Variants in PRR11 observed in about 807,000 individuals in gnomAD.
PRR11 encodes proline-rich protein 11.
PRR11 carries 30 observed loss-of-function variants against 45.6 expected under a neutral mutation model. The ratio of observed to expected loss-of-function variants is 0.66; its 90% confidence interval spans 0.49 to 0.89. The LOEUF is 0.89. PRR11 is among the 40% of genes least tolerant of loss of function. The pLI is 0.00. For synonymous variants in PRR11, 128 were observed against 153.5 expected (o/e 0.83, Z 1.23); for missense variants, 373 against 424.8 (o/e 0.88, Z 1.07).
At chr17:59,196,087 C>CAAAAAA (rs57940331) in intron 7 of PRR11, among the ~76,000 whole-genome samples, 2 of 71,330 alleles carry the variant, frequency 2.8e-5, no homozygotes, top group African/African-American at 1.0e-4. Flanking sequence ...GACTCCATCT[C>CAAAAAA]AAAAAAAAAA....
intron 1 of PRR11, among the ~76,000 whole-genome samples, chr17:59,168,373 T>A (rs904411034): frequency 6.6e-6 from 1 of 152,118 alleles, no homozygotes; most frequent in African/African-American, 2.4e-5. Flanking sequence ...TTTTGCCATG[T>A]TGGCCAGGCT....
chr17:59,187,131 C>G (rs2046817664), intron 4 of PRR11, among the ~76,000 whole-genome samples: 2 of 152,084 alleles, frequency 1.3e-5, no homozygotes, highest in Admixed American at 6.6e-5. Context: ...ATCACTTGAA[C>G]CCGGAAAGTG....
chr17:59,175,116 T>C, intron 2 of PRR11: 1 of 567,026 alleles, frequency 1.8e-6, no homozygotes, highest in Non-Finnish European at 3.1e-6. Flanking sequence ...CTCCATGTCA[T>C]TGGCCAGGTA....
At chr17:59,157,561 G>T (rs1471911721) in intron 1 of PRR11, among the ~76,000 whole-genome samples, 1 of 152,074 alleles carries the variant, frequency 6.6e-6, no homozygotes, top group African/African-American at 2.4e-5. Context: ...AATTATCCGG[G>T]TGTGGTGGCA....
chr17:59,167,571 G>T (rs1212259701), intron 1 of PRR11, among the ~76,000 whole-genome samples: 3 of 152,316 alleles, frequency 2.0e-5, no homozygotes, highest in Middle Eastern at 3.4e-3. Flanking sequence ...AGGCAGAGCA[G>T]TGGCATGGGC....
intron 1 of PRR11, among the ~76,000 whole-genome samples, chr17:59,167,477 G>C (rs917471568): frequency 6.6e-6 from 1 of 152,148 alleles, no homozygotes; most frequent in Non-Finnish European, 1.5e-5. Context: ...CTTGTACCTT[G>C]TGCAAGCAAA....
At chr17:59,193,460 A>G in intron 4 of PRR11, 32 bp from the exon 5 acceptor site, 1 of 1,611,956 alleles carries the variant, frequency 6.2e-7, no homozygotes, top group South Asian at 1.1e-5. Flanking sequence ...TTAACTTGTT[A>G]TTTATTTGCC....
chr17:59,162,888 C>T (rs530524409), intron 1 of PRR11, among the ~76,000 whole-genome samples: 19 of 145,486 alleles, frequency 1.3e-4, no homozygotes, highest in African/African-American at 3.4e-4. Context: ...CCACCACGCC[C>T]GGCTAATTTT....
chr17:59,173,330 T>C (rs1169466574), intron 2 of PRR11, among the ~76,000 whole-genome samples: 4 of 152,178 alleles, frequency 2.6e-5, no homozygotes, highest in Non-Finnish European at 5.9e-5. Context: ...CCCAAGCCAG[T>C]AGTGGCAACC....
chr17:59,161,066 G>A lies in PRR11; in HGVS notation c.-6+5261G>A, dbSNP rs542093708. ...TTGCCTATATGTTTATGTTTCTAAT[G>A]ATTTTTCAGATTATTTGAGAAAGCA... is the stretch of plus-strand genomic sequence containing the variant. On this transcript the variant is annotated intron_variant, in intron 1 of 9. Transcript: ENST00000262293. Among the ~76,000 whole-genome samples, 3 of 152,008 alleles carry A rather than the reference G, an allele frequency of 2.0e-5. No homozygotes were observed. The East Asian group carries it at 5.8e-4, about 29-fold the overall frequency.
At position 59,201,895 on chromosome 17, in the gene PRR11, C is replaced by G; in HGVS notation, c.*264C>G. 5.2e-6 allele frequency: 2 copies of G among 386,790 alleles called. No individual in the cohort carries two copies. Among genetic ancestry groups the G allele is most frequent in the East Asian group, 9.5e-5 (2 of 21,036 alleles). 24.0% of individuals were successfully genotyped at this position (386,790 alleles called of 1,614,324 possible). ...CTAAGGCAGGAGAATTGCTTGAACCCAAGAGGCAGAGGTTGCAGTGAGCCA... is the reference window on the plus strand; with the variant it reads ...CTAAGGCAGGAGAATTGCTTGAACCGAAGAGGCAGAGGTTGCAGTGAGCCA... On this transcript the variant is annotated 3_prime_UTR_variant, in exon 10 of 10. Transcript: ENST00000262293.
At chr17:59,176,959 A>G (rs1210692725) in intron 2 of PRR11, among the ~76,000 whole-genome samples, 1 of 152,088 alleles carries the variant, frequency 6.6e-6, no homozygotes, top group African/African-American at 2.4e-5. Flanking sequence ...GGCCTCCCGA[A>G]GTGCTGGGAT....
intron 1 of PRR11, among the ~76,000 whole-genome samples, chr17:59,162,042 T>G (rs986352738): frequency 2.6e-5 from 4 of 152,180 alleles, no homozygotes; most frequent in Non-Finnish European, 2.9e-5. Context: ...ATTCTCCACT[T>G]TCGCAAGAGC....
intron 1 of PRR11, among the ~76,000 whole-genome samples, chr17:59,158,956 G>A (rs8073699): frequency 0.34 from 52,325 of 151,990 alleles, 9,334 homozygotes; most frequent in African/African-American, 0.43. Flanking sequence ...GCGTAGCTGG[G>A]ATTACAGCAC....
chr17:59,197,981 G>A (rs948552615), intron 9 of PRR11, 192 bp downstream of exon 9: 8 of 559,094 alleles, frequency 1.4e-5, no homozygotes, highest in South Asian at 4.3e-5. Flanking sequence ...CAGGCGTGGT[G>A]GTGCATGCCT....
At position 59,179,920 on chromosome 17, in the gene PRR11, T is replaced by C. The variant is rs1484450093; in HGVS notation, c.129-5134T>C. On this transcript the variant is annotated intron_variant, in intron 2 of 9. Transcript: ENST00000262293. ...AGGCCACTGTATAATGCTTCTGCAATTGAACTCCTTAGAGCCAGACCCAAA... is the reference window on the plus strand; with the variant it reads ...AGGCCACTGTATAATGCTTCTGCAACTGAACTCCTTAGAGCCAGACCCAAA... The C allele has an allele frequency of 6.1e-6, 8 of 1,305,764 alleles. No individual in the cohort carries two copies. The South Asian group carries it at 7.0e-5, about 11-fold the overall frequency. 80.9% of individuals were successfully genotyped at this position (1,305,764 alleles called of 1,614,324 possible). A position where few individuals can be genotyped will look rare whatever the true frequency, so the allele number is the denominator to read the frequency against.
At chr17:59,172,952 G>A (rs549361602) in intron 2 of PRR11, among the ~76,000 whole-genome samples, 8 of 152,374 alleles carry the variant, frequency 5.3e-5, no homozygotes, top group Middle Eastern at 3.4e-3. Flanking sequence ...CTCCCGGTGC[G>A]AGATCCACTG....
Position 59,202,577 on chromosome 17 carries a change from A to C in PRR11, c.*946A>C, listed in dbSNP as rs947755753. 2 of 152,194 alleles carry C rather than the reference A, an allele frequency of 1.3e-5. No homozygotes were observed. Among genetic ancestry groups the C allele is most frequent in the African/African-American group, 4.8e-5 (2 of 41,448 alleles). 9.4% of individuals were successfully genotyped at this position (152,194 alleles called of 1,614,324 possible). A position where few individuals can be genotyped will look rare whatever the true frequency, so the allele number is the denominator to read the frequency against. On this transcript the variant is annotated 3_prime_UTR_variant, in exon 10 of 10. Transcript: ENST00000262293. ...GACCCCATCTCTAAAAATTAAAAAA[A>C]AAATTTAAATTAGAATATCATTTCT...
At chr17:59,158,933 G>A (rs1331030449) in intron 1 of PRR11, among the ~76,000 whole-genome samples, 1 of 152,184 alleles carries the variant, frequency 6.6e-6, no homozygotes, top group African/African-American at 2.4e-5. Flanking sequence ...TGATTCTAAT[G>A]CCTCAGCCTC....
Sources: gnomAD v4.1 joint callset for allele counts (sites outside exome capture counted in the v4.1 genomes callset) on GRCh38, gnomAD v4.1.1 for gene constraint, MANE v1.5 for transcripts, NCBI Gene and HGNC (gene_info 2026-07-23, HGNC 2026-07-21) for gene names.